The following UBXN4 variants were observed in gnomAD, a reference collection of about 807,000 sequenced individuals.
The protein encoded by UBXN4 is UBX domain-containing protein 4.
In UBXN4, 35 loss-of-function variants were observed where a neutral mutation model predicts 66.2. The observed-to-expected ratio is 0.53, with a 90% confidence interval of 0.40 to 0.70. The LOEUF (loss-of-function observed/expected upper bound fraction) is 0.70. Ranked by LOEUF, UBXN4 falls within the 30% of genes least tolerant of loss-of-function variation. The pLI, the probability that UBXN4 is intolerant of heterozygous loss-of-function variation, is 0.00. For synonymous variants in UBXN4, 203 were observed against 204.5 expected (o/e 0.99, Z 0.06); for missense variants, 533 against 599.8 (o/e 0.89, Z 1.16).
chr2:135,765,310 A>G (rs2077340689), intron 6 of UBXN4, among the ~76,000 whole-genome samples: 2 of 151,882 alleles, frequency 1.3e-5, no homozygotes, highest in African/African-American at 4.8e-5. Flanking sequence ...CCCAGATTCA[A>G]GCGATTCTCC....
chr2:135,750,212 G>A (rs1316417574), intron 2 of UBXN4, among the ~76,000 whole-genome samples: 1 of 152,138 alleles, frequency 6.6e-6, no homozygotes, highest in East Asian at 1.9e-4. Flanking sequence ...GGACTGAAGA[G>A]ATCCTCCCAT....
chr2:135,754,037 A>T (rs2077263707), intron 3 of UBXN4, 122 bp from the exon 4 acceptor site: 1 of 722,290 alleles, frequency 1.4e-6, no homozygotes, highest in Non-Finnish European at 2.3e-6. Flanking sequence ...AAATTATTTA[A>T]TAAATGTTAG....
chr2:135,773,058 AGAG>A lies in UBXN4; in HGVS notation c.950+513_950+515del, dbSNP rs1405389287. ...TCCCCAAAAAAAAAAAAAAAAAAAA[AGAG>A]GGCCCAATAAATACCTGTTTTCCAA... On this transcript the variant is annotated intron_variant, in intron 9 of 12. Transcript: ENST00000272638. Among the ~76,000 whole-genome samples the A allele has an allele frequency of 1.2e-4, 18 of 150,568 alleles. No individual in the cohort carries two copies. The South Asian group carries it at 2.5e-3, about 21-fold the overall frequency.
At chr2:135,778,642 C>T (rs1433471090) in intron 10 of UBXN4, among the ~76,000 whole-genome samples, 1 of 152,182 alleles carries the variant, frequency 6.6e-6, no homozygotes, top group African/African-American at 2.4e-5. Context: ...TAATGATGAA[C>T]TGCAACAGTA....
intron 9 of UBXN4, among the ~76,000 whole-genome samples, chr2:135,773,971 C>T (rs2077397899): frequency 6.6e-6 from 1 of 152,164 alleles, no homozygotes; most frequent in African/African-American, 2.4e-5. Flanking sequence ...TCTAACTGAT[C>T]TATAGATTCA....
chr2:135,748,093 G>A, intron 1 of UBXN4, 174 bp from the exon 2 acceptor site: 1 of 473,130 alleles, frequency 2.1e-6, no homozygotes, highest in Non-Finnish European at 3.7e-6. Context: ...TCTTCATGAT[G>A]TGAACTGTGT....
Position 135,769,414 on chromosome 2 carries a change from C to T in UBXN4, c.603-355C>T, listed in dbSNP as rs142285017. 9.3e-4 allele frequency among the ~76,000 whole-genome samples: 139 copies of T among 149,696 alleles called. 1 individual carries two copies. The highest frequency in any genetic ancestry group is 3.2e-3 in the African/African-American group (129 of 40,700). On this transcript the variant is annotated intron_variant, in intron 6 of 12. Coordinates refer to ENST00000272638, the MANE Select transcript of UBXN4 (RefSeq NM_014607.4). ...TTTTACAGGTTTTTTTTTTTTTTACCATAGTGCTGTTTAGTTTTATATAAG... is the reference window on the plus strand; with the variant it reads ...TTTTACAGGTTTTTTTTTTTTTTACTATAGTGCTGTTTAGTTTTATATAAG...
In UBXN4 at chr2:135,748,321, C is replaced by T. The variant is rs1314919970; in HGVS notation, c.137C>T (p.Thr46Ile). 3.1e-6 allele frequency: 5 copies of T among 1,607,206 alleles called. No homozygotes were observed. The South Asian group carries it at 5.6e-5, about 18-fold the overall frequency. The change falls in exon 2 of 13, where the codon ACA becomes ATA. Residue 46 changes from threonine (T) to isoleucine (I), a missense_variant. Coordinates refer to ENST00000272638, the MANE Select transcript of UBXN4 (RefSeq NM_014607.4). ...MAASWEDDKV[T>I]EASSNSFVAI... is the part of the protein sequence containing the mutation. Reference sequence around the variant, plus strand: ...GCAAGTTGGGAAGATGATAAAGTTACAGAAGCATCTTCAAACAGTTTTGTT... The same window carrying T: ...GCAAGTTGGGAAGATGATAAAGTTATAGAAGCATCTTCAAACAGTTTTGTT...
intron 2 of UBXN4, among the ~76,000 whole-genome samples, chr2:135,751,927 C>T (rs982307000): frequency 1.3e-5 from 2 of 152,222 alleles, no homozygotes; most frequent in African/African-American, 4.8e-5. Context: ...CTCTCCCATC[C>T]CTGACCACTC....
At chr2:135,747,663 C>G (rs1333299613) in intron 1 of UBXN4, 2 of 456,418 alleles carry the variant, frequency 4.4e-6, no homozygotes, top group East Asian at 1.4e-4. Context: ...TCTAGACGGT[C>G]TCACTGTGTC....
intron 1 of UBXN4, 23 bp downstream of exon 1, chr2:135,742,034 AG>A (rs1471885610): frequency 1.1e-5 from 18 of 1,610,004 alleles, no homozygotes; most frequent in Non-Finnish European, 1.5e-5. Flanking sequence ...GGGGTTCGAG[AG>A]GCGGCCGGGA....
rs1275547950 is a variant in UBXN4 at position 135,784,945 on chromosome 2, A to G, written c.*2058A>G. On this transcript the variant is annotated 3_prime_UTR_variant, in exon 13 of 13. Transcript: ENST00000272638. ...CCCCCTCACCTCTTACCCCAGTACT[A>G]TTCTCCAGAGGTAATCTATTAACAA... The G allele has an allele frequency of 2.6e-5, 4 of 152,494 alleles. No individual in the cohort carries two copies. The highest frequency in any genetic ancestry group is 4.4e-5 in the Non-Finnish European group (3 of 68,032). The allele number at this position is 152,494 out of a possible 1,614,324, so 9.4% of individuals were successfully genotyped here.
intron 9 of UBXN4, among the ~76,000 whole-genome samples, 174 bp from the exon 10 acceptor site, chr2:135,776,075 A>C (rs1036915158): frequency 6.6e-6 from 1 of 152,116 alleles, no homozygotes; most frequent in South Asian, 2.1e-4. Context: ...AGCCTAAAAG[A>C]GTTAATTTTT....
chr2:135,746,417 G>A (rs2077207685), intron 1 of UBXN4, among the ~76,000 whole-genome samples: 1 of 152,176 alleles, frequency 6.6e-6, no homozygotes, highest in Non-Finnish European at 1.5e-5. Context: ...AGTTAGGGGA[G>A]ACAGATACTA....
rs1183602603 is a variant in UBXN4 at position 135,750,431 on chromosome 2, G to A, written c.185+2062G>A. On this transcript the variant is annotated intron_variant, in intron 2 of 12. Transcript: ENST00000272638. ...TGAGGCAGGAGAATGCTGTGAACCC[G>A]GGAGGCAGAGCTTGCAGTGAGCCGA... Among the ~76,000 whole-genome samples the A allele has an allele frequency of 3.3e-5, 5 of 152,122 alleles. 1 individual carries two copies. In the South Asian group the frequency reaches 6.2e-4, roughly 19 times the overall value.
intron 10 of UBXN4, among the ~76,000 whole-genome samples, chr2:135,777,297 T>C (rs897370301): frequency 6.6e-6 from 1 of 152,192 alleles, no homozygotes; most frequent in African/African-American, 2.4e-5. Flanking sequence ...CAGTATTTTT[T>C]TCATATATAT....
chr2:135,774,900 A>G (rs1008531357), intron 9 of UBXN4, among the ~76,000 whole-genome samples: 10 of 152,160 alleles, frequency 6.6e-5, no homozygotes, highest in African/African-American at 2.2e-4. Flanking sequence ...ATATTTGCAA[A>G]TCATATATTT....
intron 1 of UBXN4, among the ~76,000 whole-genome samples, chr2:135,747,209 G>A (rs1024853915): frequency 2.8e-4 from 42 of 151,840 alleles, no homozygotes; most frequent in African/African-American, 7.7e-4. Flanking sequence ...TTAGCTGGGC[G>A]TGGTGGCGGG....
chr2:135,744,784 T>C (rs1435914600), intron 1 of UBXN4, among the ~76,000 whole-genome samples: 1 of 152,230 alleles, frequency 6.6e-6, no homozygotes, highest in Non-Finnish European at 1.5e-5. Flanking sequence ...TTATAGTTGA[T>C]AATTTGATTA....
Sources: gnomAD v4.1 joint callset for allele counts (sites outside exome capture counted in the v4.1 genomes callset) on GRCh38, gnomAD v4.1.1 for gene constraint, MANE v1.5 for transcripts, NCBI Gene and HGNC (gene_info 2026-07-23, HGNC 2026-07-21) for gene names.